Variants in MAST2 observed in about 807,000 individuals in gnomAD.
The protein encoded by MAST2 is microtubule associated serine/threonine kinase 2.
In MAST2, 70 loss-of-function variants were observed where a neutral mutation model predicts 147.4. The observed-to-expected ratio is 0.47, with a 90% confidence interval of 0.39 to 0.58. The LOEUF (loss-of-function observed/expected upper bound fraction) is 0.58, where lower values mean the gene tolerates loss of function less well. Among genes scored for constraint, MAST2 ranks in the 20% least tolerant of loss-of-function variants. MAST2 has a pLI of 0.00. For missense variants in MAST2, 2,080 were observed against 2,302.3 expected, an observed-to-expected ratio of 0.90 and a Z score of 1.98; for synonymous variants, 869 against 896.8, an observed-to-expected ratio of 0.97 and a Z score of 0.55.
chr1:46,019,424 A>G (rs1014416824), intron 10 of MAST2, among the ~76,000 whole-genome samples, 172 bp from the exon 11 acceptor site: 6 of 152,152 alleles, frequency 3.9e-5, no homozygotes, highest in African/African-American at 1.2e-4. Context: ...ATGGTTCCCT[A>G]TGAGCAACTC....
intron 4 of MAST2, among the ~76,000 whole-genome samples, chr1:45,942,808 T>C (rs1407759740): frequency 1.3e-5 from 2 of 152,236 alleles, no homozygotes; most frequent in Non-Finnish European, 2.9e-5. Context: ...TAGAACACCT[T>C]TACAAATGCA....
rs1263979474 is a variant in MAST2, at chr1:46,000,987, C to T, written c.669-1818C>T. 20 of 1,289,354 alleles carry T rather than the reference C, an allele frequency of 1.6e-5. No homozygotes were observed. In the African/African-American group the frequency reaches 1.7e-4, roughly 11 times the overall value. The allele number at this position is 1,289,354 out of a possible 1,614,324, so 79.9% of individuals were successfully genotyped here. A position where few individuals can be genotyped will look rare whatever the true frequency, so the allele number is the denominator to read the frequency against. On this transcript the variant is annotated intron_variant, in intron 6 of 28. Coordinates refer to ENST00000361297, the MANE Select transcript of MAST2 (RefSeq NM_015112.3). The stretch of plus-strand genomic sequence containing the variant: ...TAGCCACAGAGCTGACAGGTAATAG[C>T]GGGTATAATGGGGAGAGGGGCTGGG...
At chr1:45,931,154 T>C (rs1255932899) in intron 4 of MAST2, among the ~76,000 whole-genome samples, 1 of 152,330 alleles carries the variant, frequency 6.6e-6, no homozygotes, top group Middle Eastern at 3.4e-3. Context: ...CGATCCAGGA[T>C]CATGTGTTAG....
chr1:45,847,245 T>TC, intron 3 of MAST2: 1 of 514,320 alleles, frequency 1.9e-6, no homozygotes, highest in Non-Finnish European at 3.9e-6. Context: ...CTGCTGTCCC[T>TC]CCCGCTCCAT....
At chr1:45,941,447 A>G (rs987775165) in intron 4 of MAST2, among the ~76,000 whole-genome samples, 1 of 152,098 alleles carries the variant, frequency 6.6e-6, no homozygotes, top group Non-Finnish European at 1.5e-5. Flanking sequence ...TTTAGTAGAG[A>G]CGGGGTTTCA....
intron 28 of MAST2, 108 bp downstream of exon 28, chr1:46,034,374 C>A: frequency 7.3e-7 from 1 of 1,373,732 alleles, no homozygotes; most frequent in Non-Finnish European, 9.8e-7. Flanking sequence ...TTTAGCCCAC[C>A]CCCTGAAAGA....
intron 4 of MAST2, among the ~76,000 whole-genome samples, chr1:45,911,890 T>G (rs955247122): frequency 1.6e-5 from 2 of 126,582 alleles, no homozygotes; most frequent in Non-Finnish European, 3.6e-5. Flanking sequence ...TTATTATTAT[T>G]ATTATTATTA....
intron 16 of MAST2, 133 bp from the exon 17 acceptor site, chr1:46,027,598 C>T: frequency 4.4e-6 from 4 of 917,608 alleles, no homozygotes; most frequent in South Asian, 3.4e-5. Flanking sequence ...CCTGTCCCCC[C>T]AGCTGAAGCT....
chr1:45,990,156 C>T (rs1293162535), intron 5 of MAST2, among the ~76,000 whole-genome samples: 2 of 152,228 alleles, frequency 1.3e-5, no homozygotes, highest in East Asian at 3.9e-4. Flanking sequence ...GCCAAACTGT[C>T]TTCCAAAGTG....
chr1:45,955,762 A>T (rs1438244559), intron 4 of MAST2, among the ~76,000 whole-genome samples: 1 of 152,150 alleles, frequency 6.6e-6, no homozygotes, highest in African/African-American at 2.4e-5. Context: ...AGTGAGCAGG[A>T]GGGAGAGAGG....
chr1:45,955,854 T>A (rs1659581758), intron 4 of MAST2, among the ~76,000 whole-genome samples: 1 of 152,218 alleles, frequency 6.6e-6, no homozygotes, highest in Admixed American at 6.5e-5. Context: ...AGGAGAATTT[T>A]AAATGGAAGA....
Position 46,031,152 on chromosome 1 carries a change from A to C in MAST2, c.2854A>C (p.Arg952=). ...TGAGGAGGCCAGCAGCACCCTCAGG[A>C]GGCAACCACAGGAGGGTATATGGGT... ...GPEEASSTLR[R]QPQEGIWVLT... The change falls in exon 23 of 29, where the codon AGG becomes CGG. Residue 952 remains arginine, a synonymous_variant. Transcript: ENST00000361297. This position sits in a 1 kb window ranked among gnomAD's most constrained non-coding sequence, Gnocchi z 4.1. The C allele has an allele frequency of 6.2e-7, 1 of 1,607,010 alleles. No individual in the cohort carries two copies. The highest frequency in any genetic ancestry group is 8.5e-7 in the Non-Finnish European group (1 of 1,175,192).
intron 1 of MAST2, among the ~76,000 whole-genome samples, chr1:45,814,233 T>C (rs1004808486): frequency 3.5e-4 from 54 of 152,172 alleles, no homozygotes; most frequent in Admixed American, 3.5e-3. Context: ...AAAAGTTAAC[T>C]GTAAAACAGC....
intron 1 of MAST2, among the ~76,000 whole-genome samples, chr1:45,815,378 C>A (rs1396947390): frequency 6.6e-6 from 1 of 151,994 alleles, no homozygotes; most frequent in Admixed American, 6.6e-5. Context: ...CCATGTTGGG[C>A]AGGCTAGTCT....
At chr1:46,014,158 T>A (rs944796029) in intron 10 of MAST2, among the ~76,000 whole-genome samples, 3 of 150,550 alleles carry the variant, frequency 2.0e-5, no homozygotes, top group African/African-American at 7.3e-5. Flanking sequence ...CTATTTAATT[T>A]GATTATGTAT....
chr1:45,881,855 T>G (rs1646858593), intron 3 of MAST2, among the ~76,000 whole-genome samples: 1 of 151,600 alleles, frequency 6.6e-6, no homozygotes, highest in South Asian at 2.1e-4. Flanking sequence ...GAAGTAATAG[T>G]TTGCCTGAGT....
intron 4 of MAST2, among the ~76,000 whole-genome samples, chr1:45,941,833 A>C (rs1657339787): frequency 6.6e-6 from 1 of 152,184 alleles, no homozygotes; most frequent in African/African-American, 2.4e-5. Flanking sequence ...GCATCTATTG[A>C]GATGGTTGTG....
At chr1:45,884,430 TAGTCCC>T (rs1646991442) in intron 4 of MAST2, among the ~76,000 whole-genome samples, 1 of 152,140 alleles carries the variant, frequency 6.6e-6, no homozygotes, top group Admixed American at 6.5e-5. Flanking sequence ...CGTGCGCCTG[TAGTCCC>T]AGTTACTCAG....
At chr1:45,868,405 T>C (rs1476908500) in intron 3 of MAST2, among the ~76,000 whole-genome samples, 1 of 152,236 alleles carries the variant, frequency 6.6e-6, no homozygotes, top group East Asian at 1.9e-4. Flanking sequence ...AAGGCACATA[T>C]AGTAATCTGT....
Sources: gnomAD v4.1 joint callset for allele counts (sites outside exome capture counted in the v4.1 genomes callset) on GRCh38, gnomAD v4.1.1 for gene constraint, Gnocchi (gnomAD v3.1) non-coding constraint, MANE v1.5 for transcripts, NCBI Gene and HGNC (gene_info 2026-07-23, HGNC 2026-07-21) for gene names.